MUC7: variants seen among roughly 807,000 people sequenced by gnomAD.
The protein encoded by MUC7 is mucin-7.
In MUC7, 2 loss-of-function variants were observed where a neutral mutation model predicts 2.5. The observed-to-expected ratio is 0.81, with a 90% CI of 0.33 to 2.55. The LOEUF (loss-of-function observed/expected upper bound fraction) is 2.55, where lower values mean the gene tolerates loss of function less well. Ranked by LOEUF, MUC7 falls within the 30% of genes most tolerant of loss-of-function variation. The pLI is 0.11. For missense variants in MUC7, 408 were observed against 455.6 expected (o/e 0.90, Z 0.95); for synonymous variants, 133 against 173.4 (o/e 0.77, Z 1.83).
At chr4:70,469,318 A>G (rs1048236992), upstream of MUC7, among the ~76,000 whole-genome samples, 2 of 152,238 alleles carry the variant, frequency 1.3e-5, no homozygotes, top group African/African-American at 4.8e-5. Flanking sequence ...AAGAAAACCT[A>G]GGCAATAACA....
At chr4:70,464,004 A>T (rs942333575) in intron 1 of MUC7, among the ~76,000 whole-genome samples, 3 of 152,214 alleles carry the variant, frequency 2.0e-5, no homozygotes, top group Non-Finnish European at 4.4e-5. Flanking sequence ...TCCCAGTGAG[A>T]TCAACACGGA....
chr4:70,468,950 A>C (rs556991927), upstream of MUC7, among the ~76,000 whole-genome samples: 2 of 152,294 alleles, frequency 1.3e-5, no homozygotes, highest in South Asian at 4.1e-4. Flanking sequence ...TATAGCCAAG[A>C]CAATCATAAG....
At chr4:70,434,625 G>T (rs542439230) in intron 1 of MUC7, among the ~76,000 whole-genome samples, 1 of 151,756 alleles carries the variant, frequency 6.6e-6, no homozygotes, top group Non-Finnish European at 1.5e-5. Context: ...TATTAGTCTT[G>T]CTAGCAGTCT....
chr4:70,463,379 G>T (rs1427075836), intron 1 of MUC7, among the ~76,000 whole-genome samples: 1 of 152,194 alleles, frequency 6.6e-6, no homozygotes, highest in African/African-American at 2.4e-5. Flanking sequence ...CCTTTACCAT[G>T]AATTCTTTTT....
intron 1 of MUC7, among the ~76,000 whole-genome samples, chr4:70,465,812 G>A (rs1403743826): frequency 6.6e-6 from 1 of 152,124 alleles, no homozygotes; most frequent in African/African-American, 2.4e-5. Context: ...GAACCAAGTT[G>A]AAAAATACTT....
In MUC7 at chr4:70,480,880, C is replaced by A; in HGVS notation, c.136C>A (p.Pro46Thr). ...HQSPKSHFELPHYPGLLAHQK... is the reference protein window; with the variant it reads ...HQSPKSHFELTHYPGLLAHQK... The stretch of plus-strand genomic sequence containing the variant: ...ATCACCCAAATCTCACTTTGAATTA[C>A]CACATTATCCTGGACTGCTAGCTCA... Residue 46 changes from proline (P) to threonine (T), a missense_variant, in exon 3 of 3, where the codon CCA becomes ACA. Around this residue, in one of 3 missense-constraint regions of MUC7, gnomAD observed 225 missense variants for 240.5 expected, o/e 0.94. Coordinates refer to ENST00000304887, the MANE Select transcript of MUC7 (RefSeq NM_152291.3). The A allele has an allele frequency of 6.2e-7, 1 of 1,614,138 alleles. No individual in the cohort carries two copies. Among genetic ancestry groups the A allele is most frequent in the Non-Finnish European group, 8.5e-7 (1 of 1,180,000 alleles).
intron 2 of MUC7, among the ~76,000 whole-genome samples, chr4:70,478,617 T>TA (rs1269148825): frequency 2.7e-4 from 41 of 152,182 alleles, no homozygotes; most frequent in South Asian, 8.3e-4. Context: ...TTCATACATG[T>TA]TCCTATAAGA....
intron 1 of MUC7, among the ~76,000 whole-genome samples, chr4:70,462,227 GA>G (rs1366613370): frequency 7.6e-6 from 1 of 131,852 alleles, no homozygotes; most frequent in African/African-American, 3.7e-5. Context: ...AAAAGAAAGA[GA>G]GAGAGAGAGA....
rs1038186216 is a variant in MUC7, at chr4:70,482,988, T to C, written c.*1110T>C. On this transcript the variant is annotated 3_prime_UTR_variant, in exon 3 of 3. Transcript: ENST00000304887. Reference sequence around the variant, plus strand: ...TTTGCTAACTAATAAAGATTTCAAATGGCAATTTATATTCATTGTGTGTAT... The same window carrying C: ...TTTGCTAACTAATAAAGATTTCAAACGGCAATTTATATTCATTGTGTGTAT... 2 of 152,316 alleles carry C rather than the reference T, an allele frequency of 1.3e-5. No homozygotes were observed. The highest frequency in any genetic ancestry group is 1.3e-4 in the Admixed American group (2 of 15,272). The allele number at this position is 152,316 out of a possible 1,614,324, so 9.4% of individuals were successfully genotyped here.
At chr4:70,470,843 C>A (rs893002369), upstream of MUC7, among the ~76,000 whole-genome samples, 3 of 152,218 alleles carry the variant, frequency 2.0e-5, no homozygotes, top group Admixed American at 6.5e-5. Flanking sequence ...CTGTCCCTAA[C>A]TTTCCACTAA....
chr4:70,461,067 A>G (rs1436245005), intron 1 of MUC7, among the ~76,000 whole-genome samples: 4 of 152,148 alleles, frequency 2.6e-5, no homozygotes, highest in Non-Finnish European at 5.9e-5. Flanking sequence ...TTTGCTCTCA[A>G]TACTGAACCC....
intron 1 of MUC7, among the ~76,000 whole-genome samples, chr4:70,431,002 C>G (rs1733647263): frequency 6.6e-6 from 1 of 152,056 alleles, no homozygotes; most frequent in Non-Finnish European, 1.5e-5. Flanking sequence ...TATTTCCTGT[C>G]TATCTGACAT....
chr4:70,473,364 A>G (rs2109739831), intron 1 of MUC7, among the ~76,000 whole-genome samples: 1 of 151,772 alleles, frequency 6.6e-6, no homozygotes, highest in East Asian at 1.9e-4. Flanking sequence ...GGATCGCTTG[A>G]GTCTGGGGGG....
intron 1 of MUC7, among the ~76,000 whole-genome samples, chr4:70,454,474 C>T (rs1734367293): frequency 6.6e-6 from 1 of 152,156 alleles, no homozygotes; most frequent in African/African-American, 2.4e-5. Flanking sequence ...TGCATGCTCC[C>T]TCCTCCCTCC....
chr4:70,435,662 C>T (rs1023313021), intron 1 of MUC7, among the ~76,000 whole-genome samples: 2 of 43,820 alleles, frequency 4.6e-5, no homozygotes, highest in African/African-American at 1.5e-4. Context: ...ATCCCATTTG[C>T]CAGTCTATTC....
intron 1 of MUC7, among the ~76,000 whole-genome samples, chr4:70,437,459 G>C (rs28510948): frequency 6.6e-6 from 1 of 152,310 alleles, no homozygotes; most frequent in East Asian, 1.9e-4. Flanking sequence ...ACGCTGTAGC[G>C]TCCCAGGTCG....
At chr4:70,475,627 T>C (rs932335159) in intron 2 of MUC7, among the ~76,000 whole-genome samples, 3 of 152,180 alleles carry the variant, frequency 2.0e-5, no homozygotes, top group Non-Finnish European at 4.4e-5. Flanking sequence ...AAAGGAAGAT[T>C]AAAATTAATA....
At chr4:70,465,361 T>G (rs1237551865) in intron 1 of MUC7, among the ~76,000 whole-genome samples, 3 of 152,056 alleles carry the variant, frequency 2.0e-5, no homozygotes, top group African/African-American at 4.8e-5. Context: ...GGATCACAAC[T>G]CCTTGCCAGC....
In MUC7 at chr4:70,440,730, A is replaced by G. The variant is rs117217997; in HGVS notation, c.-93+10043A>G. On this transcript the variant is annotated intron_variant, in intron 1 of 3. Coordinates refer to the MUC7 transcript ENST00000413702. ...CTGAAAATATGTATATCTATTGGAC[A>G]TCAATTCAAAACATAATTTAAAAAT... Among the ~76,000 whole-genome samples, 35 of 152,324 alleles carry G rather than the reference A, an allele frequency of 2.3e-4. No individual in the cohort carries two copies. The East Asian group carries it at 6.6e-3, about 29-fold the overall frequency.
Sources: gnomAD v4.1 joint callset for allele counts (sites outside exome capture counted in the v4.1 genomes callset) on GRCh38, gnomAD v4.1.1 for gene constraint, gnomAD v4.1.1 regional missense constraint, MANE v1.5 for transcripts, NCBI Gene and HGNC (gene_info 2026-07-23, HGNC 2026-07-21) for gene names.